The following CFAP299 variants were observed in gnomAD, a reference collection of about 807,000 sequenced individuals.
CFAP299 encodes cilia- and flagella-associated protein 299.
Under a neutral mutation model 27.0 loss-of-function variants are expected in CFAP299, and 21 were observed. That is an observed-to-expected ratio of 0.78 (90% CI 0.55 to 1.12). CFAP299 has a LOEUF of 1.12. CFAP299 is among the 50% of genes most tolerant of loss of function. CFAP299 has a pLI of 0.00. For synonymous variants in CFAP299, 104 were observed against 98.1 expected (o/e 1.06, Z -0.36); for missense variants, 310 against 276.6 (o/e 1.12, Z -0.86).
At chr4:80,458,802 A>G (rs1405405575) in intron 2 of CFAP299, among the ~76,000 whole-genome samples, 1 of 152,096 alleles carries the variant, frequency 6.6e-6, no homozygotes, top group Non-Finnish European at 1.5e-5. Flanking sequence ...CCAGACCATT[A>G]AGGATGCAGT....
chr4:80,545,862 T>C (rs1023683222), intron 2 of CFAP299, among the ~76,000 whole-genome samples: 1 of 152,136 alleles, frequency 6.6e-6, no homozygotes, highest in Non-Finnish European at 1.5e-5. Flanking sequence ...ATACGATTAA[T>C]AGTAAACTGA....
chr4:80,539,229 C>G (rs541354036), intron 2 of CFAP299, among the ~76,000 whole-genome samples: 1 of 152,126 alleles, frequency 6.6e-6, no homozygotes, highest in Non-Finnish European at 1.5e-5. Flanking sequence ...AAATTTATAC[C>G]CTGTATTTTG....
chr4:80,687,775 AC>A (rs1264515277), intron 3 of CFAP299, among the ~76,000 whole-genome samples: 1 of 152,084 alleles, frequency 6.6e-6, no homozygotes, highest in Non-Finnish European at 1.5e-5. Flanking sequence ...CATCTGAGGT[AC>A]CGGGTTCATC....
chr4:80,596,496 A>T (rs1410645060), intron 3 of CFAP299, among the ~76,000 whole-genome samples: 1 of 152,054 alleles, frequency 6.6e-6, no homozygotes, highest in Non-Finnish European at 1.5e-5. Context: ...TTAAGGTTAA[A>T]ATTTAAAATT....
intron 3 of CFAP299, among the ~76,000 whole-genome samples, chr4:80,708,714 T>G (rs1277704641): frequency 6.6e-6 from 1 of 152,098 alleles, no homozygotes; most frequent in Non-Finnish European, 1.5e-5. Flanking sequence ...CTATGAGCTC[T>G]CTCTGCTTAT....
intron 2 of CFAP299, among the ~76,000 whole-genome samples, chr4:80,548,512 C>T (rs1036528844): frequency 1.3e-5 from 2 of 152,098 alleles, no homozygotes; most frequent in African/African-American, 4.8e-5. Flanking sequence ...GGTAATTGCA[C>T]ATGTACCAAC....
At chr4:80,381,127 C>T (rs1391925656) in intron 2 of CFAP299, among the ~76,000 whole-genome samples, 3 of 152,136 alleles carry the variant, frequency 2.0e-5, no homozygotes, top group Non-Finnish European at 4.4e-5. Context: ...CTTTTAGCTC[C>T]ATATCTACTT....
chr4:80,825,542 T>C (rs962321444), intron 3 of CFAP299, among the ~76,000 whole-genome samples: 1 of 151,848 alleles, frequency 6.6e-6, no homozygotes, highest in Admixed American at 6.6e-5. Flanking sequence ...AGCAAAAGTA[T>C]CAACATATTT....
chr4:80,711,949 T>G (rs765108822), intron 3 of CFAP299, among the ~76,000 whole-genome samples: 57 of 152,198 alleles, frequency 3.7e-4, no homozygotes, highest in Non-Finnish European at 6.6e-4. Context: ...TCTCAGTGTT[T>G]AAAATTGCAT....
At position 80,572,507 on chromosome 4, in the gene CFAP299, G is replaced by GTTTTTTT. The variant is rs550414533; in HGVS notation, c.243-10564_243-10558dup. 2.9e-3 allele frequency among the ~76,000 whole-genome samples: 106 copies of GTTTTTTT among 36,386 alleles called. 30 individuals are homozygous for GTTTTTTT. The highest frequency in any genetic ancestry group is 5.9e-3 in the African/African-American group (66 of 11,180). 23.9% of individuals were successfully genotyped at this position (36,386 alleles called of 152,430 possible). The stretch of plus-strand genomic sequence containing the variant: ...TGTTGTTGCACATGACTGGATCCCA[G>GTTTTTTT]TTTTTTTTTTTTTTTTTTTTTTTTT... On this transcript the variant is annotated intron_variant, in intron 2 of 5. Coordinates refer to ENST00000358105, the MANE Select transcript of CFAP299 (RefSeq NM_152770.3).
At chr4:80,690,221 C>T (rs1454898696) in intron 3 of CFAP299, among the ~76,000 whole-genome samples, 1 of 150,880 alleles carries the variant, frequency 6.6e-6, no homozygotes, top group African/African-American at 2.5e-5. Flanking sequence ...ACTCTCCACC[C>T]CAAATCAACA....
chr4:80,487,317 C>T (rs1219459660), intron 2 of CFAP299, among the ~76,000 whole-genome samples: 2 of 152,140 alleles, frequency 1.3e-5, no homozygotes, highest in Admixed American at 1.3e-4. Context: ...CACTTCTCAG[C>T]AGGTATTTTA....
At chr4:80,864,493 T>C (rs1263442885) in intron 3 of CFAP299, among the ~76,000 whole-genome samples, 2 of 141,616 alleles carry the variant, frequency 1.4e-5, no homozygotes, top group African/African-American at 2.6e-5. Context: ...TATATACACA[T>C]ATATATACAT....
intron 3 of CFAP299, among the ~76,000 whole-genome samples, chr4:80,799,306 AT>A (rs1728096771): frequency 9.5e-6 from 1 of 104,908 alleles, no homozygotes; most frequent in Non-Finnish European, 1.7e-5. Context: ...TTTATATAAT[AT>A]TTATATATAT....
chr4:80,887,942 C>A (rs1734053307), intron 4 of CFAP299, among the ~76,000 whole-genome samples: 1 of 151,756 alleles, frequency 6.6e-6, no homozygotes, highest in Non-Finnish European at 1.5e-5. Context: ...ATATGCTAGC[C>A]TCATGGTAAC....
chr4:80,575,424 C>T (rs945288083), intron 2 of CFAP299, among the ~76,000 whole-genome samples: 2 of 151,704 alleles, frequency 1.3e-5, no homozygotes, highest in South Asian at 2.1e-4. Flanking sequence ...TTCCCAGGCT[C>T]GTGTGATCTT....
At chr4:80,417,807 CAT>C (rs1386607305) in intron 2 of CFAP299, among the ~76,000 whole-genome samples, 13 of 151,836 alleles carry the variant, frequency 8.6e-5, no homozygotes, top group Admixed American at 5.3e-4. Flanking sequence ...CGTATATGTA[CAT>C]GTGTATATAT....
intron 4 of CFAP299, among the ~76,000 whole-genome samples, chr4:80,933,080 G>A (rs1383088566): frequency 6.6e-6 from 1 of 151,874 alleles, no homozygotes; most frequent in African/African-American, 2.4e-5. Context: ...AATCAAGCTA[G>A]CTAACATATC....
intron 1 of CFAP299, among the ~76,000 whole-genome samples, chr4:80,349,609 G>T (rs950436175): frequency 6.6e-6 from 1 of 152,128 alleles, no homozygotes. Context: ...ATGTCAGAGT[G>T]AAAATAGTAT....
Sources: allele counts gnomAD v4.1 joint callset (sites outside exome capture counted in the v4.1 genomes callset), GRCh38; gene constraint gnomAD v4.1.1; transcripts MANE v1.5; gene names NCBI Gene and HGNC (gene_info 2026-07-23, HGNC 2026-07-21).